The following MCTP2 variants were observed in gnomAD, a reference collection of about 807,000 sequenced individuals.
MCTP2 encodes the protein multiple C2 and transmembrane domain containing 2, also known as multiple C2 and transmembrane domain-containing protein 2.
Under a neutral mutation model 111.6 loss-of-function variants are expected in MCTP2, and 132 were observed. The observed-to-expected ratio is 1.18, with a 90% CI of 1.03 to 1.37. The LOEUF is 1.37. Ranked by LOEUF, MCTP2 falls within the 40% of genes most tolerant of loss-of-function variation. MCTP2 has a pLI of 0.00. For synonymous variants in MCTP2, 395 were observed against 387.7 expected (o/e 1.02, Z -0.22); for missense variants, 1,183 against 1,067.9 (o/e 1.11, Z -1.50).
chr15:94,342,801 C>G (rs921306787), intron 7 of MCTP2: 3 of 148,720 alleles, frequency 2.0e-5, no homozygotes, highest in African/African-American at 7.4e-5. Context: ...TATTTATCTC[C>G]ATATCCATAT....
intron 8 of MCTP2, among the ~76,000 whole-genome samples, chr15:94,351,053 T>A (rs2078277476): frequency 6.6e-6 from 1 of 151,158 alleles, no homozygotes; most frequent in South Asian, 2.1e-4. Flanking sequence ...TTTAAAAATA[T>A]TAAATTTAAT....
chr15:94,379,906 T>G (rs1367885868), intron 12 of MCTP2, among the ~76,000 whole-genome samples: 4 of 147,076 alleles, frequency 2.7e-5, no homozygotes, highest in Non-Finnish European at 6.0e-5. Flanking sequence ...TGATATATAA[T>G]GTATAATATA....
At chr15:94,296,479 T>C (rs981461667) in intron 1 of MCTP2, among the ~76,000 whole-genome samples, 6 of 152,214 alleles carry the variant, frequency 3.9e-5, no homozygotes, top group African/African-American at 1.4e-4. Context: ...TATTAGTCCA[T>C]TCAGTCCTCA....
rs1201201064 is a variant in MCTP2, at chr15:94,482,741, G to A, written c.*3707G>A. 6.6e-6 allele frequency: 1 copy of A among 152,210 alleles called. No homozygotes were observed. Among genetic ancestry groups the A allele is most frequent in the Non-Finnish European group, 1.5e-5 (1 of 68,050 alleles). 9.4% of individuals were successfully genotyped at this position (152,210 alleles called of 1,614,324 possible). ...AACCTTGAAGAACTCAACAGTTAATGTCATATATAGAAAGGCAAGTCAGTT... is the reference window on the plus strand; with the variant it reads ...AACCTTGAAGAACTCAACAGTTAATATCATATATAGAAAGGCAAGTCAGTT... On this transcript the variant is annotated 3_prime_UTR_variant, in exon 23 of 23. Transcript: ENST00000357742.
chr15:94,257,392 G>T (rs1402607097), intron 1 of MCTP2, among the ~76,000 whole-genome samples: 1 of 151,890 alleles, frequency 6.6e-6, no homozygotes, highest in East Asian at 1.9e-4. Flanking sequence ...TTGAAAGGAG[G>T]AATTTTGAGG....
At chr15:94,355,913 G>A (rs11636398) in intron 8 of MCTP2, 236,628 of 1,127,950 alleles carry the variant, frequency 0.21, 26,739 homozygotes, top group African/African-American at 0.4. Context: ...TCAAAGTGTT[G>A]CATATACTCA....
chr15:94,434,627 T>A (rs892856309), intron 17 of MCTP2, among the ~76,000 whole-genome samples: 3 of 152,268 alleles, frequency 2.0e-5, no homozygotes, highest in East Asian at 3.9e-4. Context: ...AAAATACCAT[T>A]TTTTCGATTG....
chr15:94,422,470 C>T (rs2082672537), intron 17 of MCTP2, among the ~76,000 whole-genome samples: 1 of 152,160 alleles, frequency 6.6e-6, no homozygotes, highest in Non-Finnish European at 1.5e-5. Context: ...CCTTTAGCAT[C>T]CCAGGCAAAA....
At chr15:94,239,997 A>C (rs919458623) in intron 1 of MCTP2, among the ~76,000 whole-genome samples, 36 of 152,132 alleles carry the variant, frequency 2.4e-4, no homozygotes, top group Admixed American at 7.2e-4. Flanking sequence ...TATGAGCCCA[A>C]GATCCAGAAT....
chr15:94,470,259 A>G, intron 20 of MCTP2, 74 bp from the exon 21 acceptor site: 1 of 1,123,860 alleles, frequency 8.9e-7, no homozygotes, highest in South Asian at 1.4e-5. Flanking sequence ...TGAACATGAA[A>G]TAAACATGAC....
At chr15:94,243,782 T>TGC (rs2071368272) in intron 1 of MCTP2, among the ~76,000 whole-genome samples, 1 of 147,910 alleles carries the variant, frequency 6.8e-6, no homozygotes, top group Non-Finnish European at 1.5e-5. Context: ...TATGAACATA[T>TGC]ATATGTATAT....
At chr15:94,432,116 C>G (rs189671622) in intron 17 of MCTP2, among the ~76,000 whole-genome samples, 101 of 152,250 alleles carry the variant, frequency 6.6e-4, no homozygotes, top group Non-Finnish European at 1.3e-3. Flanking sequence ...CTAGCCCTTC[C>G]TTGGACTTCC....
chr15:94,293,677 C>A (rs140498039), intron 1 of MCTP2, among the ~76,000 whole-genome samples: 1 of 152,154 alleles, frequency 6.6e-6, no homozygotes. Flanking sequence ...ATGCACATAC[C>A]TATTAGAATG....
chr15:94,318,632 T>A (rs1299873314), intron 4 of MCTP2, among the ~76,000 whole-genome samples: 1 of 152,160 alleles, frequency 6.6e-6, no homozygotes, highest in Non-Finnish European at 1.5e-5. Flanking sequence ...GGCCAACTAC[T>A]CCTTTTCTAG....
intron 10 of MCTP2, among the ~76,000 whole-genome samples, chr15:94,366,545 T>C (rs889872406): frequency 6.6e-6 from 1 of 152,222 alleles, no homozygotes; most frequent in Non-Finnish European, 1.5e-5. Flanking sequence ...TTATATAGTA[T>C]GTAAGTTAAC....
intron 2 of MCTP2, among the ~76,000 whole-genome samples, chr15:94,310,732 C>T (rs1487265480): frequency 1.3e-5 from 2 of 150,204 alleles, no homozygotes; most frequent in South Asian, 2.1e-4. Context: ...TATAATACTA[C>T]AACATATATC....
chr15:94,274,859 C>G (rs1030377219), intron 1 of MCTP2, among the ~76,000 whole-genome samples: 2 of 152,052 alleles, frequency 1.3e-5, no homozygotes, highest in African/African-American at 4.8e-5. Flanking sequence ...TCTATGGTTT[C>G]TACCAAAACA....
chr15:94,476,760 C>G lies in MCTP2; in HGVS notation c.2535C>G (p.Asp845Glu), dbSNP rs1465925337. Residue 845 changes from aspartate to glutamate, a missense_variant, in exon 22 of 23, where the codon GAC becomes GAG. Asp to Glu is a conservative substitution (Grantham distance 45). Transcript: ENST00000357742. ...PYSIDNNELL[D>E]FLSRVPSDVQ... Reference sequence around the variant, plus strand: ...CCATCGACAATAATGAGCTACTAGACTTCCTCTCTAGGGTACCGTCTGATG... The same window carrying G: ...CCATCGACAATAATGAGCTACTAGAGTTCCTCTCTAGGGTACCGTCTGATG... 6.2e-7 allele frequency: 1 copy of G among 1,608,032 alleles called. No homozygotes were observed. The highest frequency in any genetic ancestry group is 2.2e-5 in the East Asian group (1 of 44,844).
rs531975300 is a variant in MCTP2, at chr15:94,262,831, C to T, written c.-66+31167C>T. The stretch of plus-strand genomic sequence containing the variant: ...GATTACAGCCACCTACCACAATGGC[C>T]ATGTAATTTTTATATTTTTAGTAGA... On this transcript the variant is annotated intron_variant, in intron 1 of 22. Transcript: ENST00000357742. 3.3e-5 allele frequency among the ~76,000 whole-genome samples: 5 copies of T among 152,166 alleles called. No individual in the cohort carries two copies. The East Asian group carries it at 9.7e-4, about 29-fold the overall frequency.
Sources: allele counts gnomAD v4.1 joint callset (sites outside exome capture counted in the v4.1 genomes callset), GRCh38; gene constraint gnomAD v4.1.1; transcripts MANE v1.5; gene names NCBI Gene and HGNC (gene_info 2026-07-23, HGNC 2026-07-21).